The following DAB1 variants were observed in gnomAD, a reference collection of about 807,000 sequenced individuals.
DAB1 encodes DAB adaptor protein 1, also known as disabled homolog 1.
A neutral mutation model predicts 64.6 loss-of-function variants in DAB1; 15 were observed. The observed-to-expected ratio is 0.23, with a 90% CI of 0.16 to 0.36. The LOEUF (loss-of-function observed/expected upper bound fraction) is 0.36. Among genes scored for constraint, DAB1 ranks in the 10% least tolerant of loss-of-function variants. The probability of loss-of-function intolerance (pLI) is 1.00; values close to 1 mark genes in which losing one functional copy is unlikely to be tolerated. For missense variants in DAB1, 596 were observed against 706.7 expected, an observed-to-expected ratio of 0.84 and a Z score of 1.78; for synonymous variants, 235 against 251.9, an observed-to-expected ratio of 0.93 and a Z score of 0.64.
intron 6 of DAB1, among the ~76,000 whole-genome samples, chr1:57,707,593 C>T (rs1646983730): frequency 6.6e-6 from 1 of 152,042 alleles, no homozygotes; most frequent in Non-Finnish European, 1.5e-5. Flanking sequence ...TAAGAAATTG[C>T]CCAATTATAT....
intron 4 of DAB1, among the ~76,000 whole-genome samples, chr1:58,319,006 G>A (rs558501272): frequency 6.6e-6 from 1 of 152,168 alleles, no homozygotes; most frequent in African/African-American, 2.4e-5. Context: ...TTTGGAGGCA[G>A]GGATAAGTAC....
At chr1:58,277,318 G>C (rs1661474035) in intron 4 of DAB1, among the ~76,000 whole-genome samples, 2 of 152,066 alleles carry the variant, frequency 1.3e-5, no homozygotes, top group African/African-American at 2.4e-5. Flanking sequence ...GGGATTACAG[G>C]CGTGACCCAC....
intron 7 of DAB1, among the ~76,000 whole-genome samples, chr1:57,645,345 C>T (rs1157148170): frequency 6.6e-6 from 1 of 152,162 alleles, no homozygotes; most frequent in Non-Finnish European, 1.5e-5. Context: ...CCTAGCAGGC[C>T]TTCTGACTGT....
chr1:57,872,385 A>G (rs886501828), intron 1 of DAB1, among the ~76,000 whole-genome samples: 8 of 152,202 alleles, frequency 5.3e-5, no homozygotes, highest in African/African-American at 1.2e-4. Flanking sequence ...AGTGAGAGGT[A>G]TATCTATGAA....
chr1:57,882,478 G>C (rs1011978138), intron 1 of DAB1, among the ~76,000 whole-genome samples: 4 of 152,126 alleles, frequency 2.6e-5, no homozygotes, highest in Non-Finnish European at 4.4e-5. Context: ...ACTGGATTTT[G>C]AGCTCCTCTA....
At chr1:57,685,980 C>A (rs1246382888) in intron 6 of DAB1, among the ~76,000 whole-genome samples, 1 of 151,988 alleles carries the variant, frequency 6.6e-6, no homozygotes, top group African/African-American at 2.4e-5. Flanking sequence ...AAATAACAAT[C>A]TAACTTTTCA....
At chr1:58,302,252 C>T (rs764728412) in intron 4 of DAB1, among the ~76,000 whole-genome samples, 2 of 152,044 alleles carry the variant, frequency 1.3e-5, no homozygotes, top group Non-Finnish European at 2.9e-5. Context: ...TCAGTATAGT[C>T]CAAGAAAATC....
chr1:57,623,936 AAC>A (rs1270453046), intron 7 of DAB1, among the ~76,000 whole-genome samples: 1 of 152,130 alleles, frequency 6.6e-6, no homozygotes, highest in Non-Finnish European at 1.5e-5. Context: ...GCACTAACAA[AAC>A]ACAGTCTGGC....
chr1:58,359,790 G>C (rs927421528), intron 3 of DAB1, among the ~76,000 whole-genome samples: 1 of 151,690 alleles, frequency 6.6e-6, no homozygotes, highest in Non-Finnish European at 1.5e-5. Context: ...ACTGGAAGAT[G>C]ATGATGATAA....
At chr1:57,608,043 C>T (rs1388084574) in intron 7 of DAB1, among the ~76,000 whole-genome samples, 1 of 152,114 alleles carries the variant, frequency 6.6e-6, no homozygotes, top group Non-Finnish European at 1.5e-5. Flanking sequence ...CCATATGCAG[C>T]TTATAATACC....
intron 7 of DAB1, among the ~76,000 whole-genome samples, chr1:57,551,402 A>G (rs1524731): frequency 0.91 from 137,835 of 152,212 alleles, 63,972 homozygotes; most frequent in East Asian, 1. Flanking sequence ...GGGCAGGTGC[A>G]TGATAATAAT....
At chr1:57,119,339 T>C (rs1470636534) in intron 4 of DAB1, among the ~76,000 whole-genome samples, 1 of 152,196 alleles carries the variant, frequency 6.6e-6, no homozygotes, top group Non-Finnish European at 1.5e-5. Context: ...ATCATTTTTT[T>C]AATGCCAGTG....
chr1:57,933,744 T>C (rs1054343417), intron 5 of DAB1, among the ~76,000 whole-genome samples: 3 of 152,194 alleles, frequency 2.0e-5, no homozygotes, highest in African/African-American at 7.2e-5. Context: ...AACAGCAAGT[T>C]GCAGAACTGC....
intron 3 of DAB1, among the ~76,000 whole-genome samples, chr1:58,352,930 C>G (rs544713726): frequency 1.5e-4 from 23 of 152,170 alleles, no homozygotes; most frequent in Non-Finnish European, 2.9e-4. Flanking sequence ...TCTGCTGGTG[C>G]CTTGATCTTT....
At chr1:57,584,723 T>C (rs540948013) in intron 7 of DAB1, among the ~76,000 whole-genome samples, 5 of 152,348 alleles carry the variant, frequency 3.3e-5, no homozygotes, top group African/African-American at 1.2e-4. Context: ...TCTAGAGCCT[T>C]GTAGTTACTC....
chr1:57,010,198 C>T (rs1478591801), intron 14 of DAB1, among the ~76,000 whole-genome samples: 1 of 152,130 alleles, frequency 6.6e-6, no homozygotes, highest in Admixed American at 6.5e-5. Flanking sequence ...AAGATTAAAG[C>T]ATCTGGACCA....
intron 6 of DAB1, among the ~76,000 whole-genome samples, chr1:57,737,785 C>G (rs1479074011): frequency 6.6e-6 from 1 of 152,174 alleles, no homozygotes; most frequent in Non-Finnish European, 1.5e-5. Flanking sequence ...AGAGTATGGT[C>G]ATTTCACTTT....
intron 4 of DAB1, among the ~76,000 whole-genome samples, chr1:57,128,176 T>A (rs1359936457): frequency 6.6e-5 from 10 of 150,732 alleles, no homozygotes; most frequent in Admixed American, 1.3e-4. Context: ...AATAAATAAA[T>A]AAATAAATAA....
chr1:58,135,697 G>A (rs1653905087), intron 5 of DAB1, among the ~76,000 whole-genome samples: 1 of 152,098 alleles, frequency 6.6e-6, no homozygotes. Flanking sequence ...GGATACTTCA[G>A]GAAATGCTGC....
Sources: gnomAD v4.1 joint callset for allele counts (sites outside exome capture counted in the v4.1 genomes callset) on GRCh38, gnomAD v4.1.1 for gene constraint, MANE v1.5 for transcripts, NCBI Gene and HGNC (gene_info 2026-07-23, HGNC 2026-07-21) for gene names.